PRKCB: variants seen among roughly 807,000 people sequenced by gnomAD.
PRKCB encodes the protein protein kinase C beta type.
In PRKCB, 13 loss-of-function variants were observed where a neutral mutation model predicts 81.5. The observed-to-expected ratio is 0.16, with a 90% CI of 0.10 to 0.25. The LOEUF (loss-of-function observed/expected upper bound fraction) is 0.25, where lower values mean the gene tolerates loss of function less well. PRKCB is among the 10% of genes least tolerant of loss of function. PRKCB has a pLI of 1.00. For synonymous variants in PRKCB, 335 were observed against 321.4 expected (o/e 1.04, Z -0.45); for missense variants, 509 against 875.7 (o/e 0.58, Z 5.29).
chr16:23,892,757 C>T (rs1963314984), intron 2 of PRKCB, among the ~76,000 whole-genome samples: 2 of 152,040 alleles, frequency 1.3e-5, no homozygotes, highest in African/African-American at 4.8e-5. Flanking sequence ...ATATATTGGA[C>T]CCATTTTGCA....
chr16:23,922,000 A>C (rs534032228), intron 2 of PRKCB, among the ~76,000 whole-genome samples: 1 of 152,168 alleles, frequency 6.6e-6, no homozygotes, highest in Admixed American at 6.5e-5. Context: ...CAGTAAGAGC[A>C]AAGGCTTGAA....
In PRKCB at chr16:24,180,935, G is replaced by T; in HGVS notation, c.1533+7G>T. The T allele has an allele frequency of 6.2e-7, 1 of 1,613,684 alleles. No individual in the cohort carries two copies. Among genetic ancestry groups the T allele is most frequent in the Non-Finnish European group, 8.5e-7 (1 of 1,179,732 alleles). On this transcript the variant is annotated splice_region_variant and intron_variant, in intron 13 of 16. Transcript: ENST00000643927. ...AGACTACATCGCCCCCGAGGTGAGA[G>T]CTGCTGGGCACACGTTCACATTGCG...
chr16:24,123,749 C>A, intron 8 of PRKCB, 86 bp from the exon 9 acceptor site: 3 of 1,443,248 alleles, frequency 2.1e-6, no homozygotes, highest in Non-Finnish European at 1.9e-6. Flanking sequence ...GCTGCAGGAA[C>A]TACAGCTTCC....
intron 2 of PRKCB, among the ~76,000 whole-genome samples, chr16:23,890,277 C>T (rs993847042): frequency 5.9e-5 from 9 of 152,184 alleles, no homozygotes. Context: ...CTCTGCAAAC[C>T]TCTTAATACC....
At chr16:23,870,655 A>G (rs8046693) in intron 2 of PRKCB, among the ~76,000 whole-genome samples, 82,983 of 152,144 alleles carry the variant, frequency 0.55, 22,935 homozygotes, top group East Asian at 0.62. Context: ...CTGGGGCCAC[A>G]TCAGGACCTA....
intron 9 of PRKCB, among the ~76,000 whole-genome samples, chr16:24,131,075 T>C (rs560241711): frequency 6.6e-6 from 1 of 152,344 alleles, no homozygotes; most frequent in Admixed American, 6.5e-5. Context: ...CGCCAGGTGT[T>C]AGTGGTGACT....
chr16:23,852,961 C>T (rs923539933), intron 2 of PRKCB, among the ~76,000 whole-genome samples: 29 of 152,114 alleles, frequency 1.9e-4, no homozygotes, highest in African/African-American at 6.5e-4. Context: ...AAGTGAAATC[C>T]GTATGGGAGA....
At chr16:23,993,617 T>C (rs868629679) in intron 3 of PRKCB, among the ~76,000 whole-genome samples, 8 of 152,212 alleles carry the variant, frequency 5.3e-5, no homozygotes, top group African/African-American at 1.7e-4. Context: ...CTGTGATCCC[T>C]CTTCTCTATA....
intron 2 of PRKCB, among the ~76,000 whole-genome samples, chr16:23,896,324 GAATT>G (rs1963379125): frequency 6.6e-6 from 1 of 151,616 alleles, no homozygotes; most frequent in African/African-American, 2.4e-5. Flanking sequence ...CCCTCTTATT[GAATT>G]AATTGATTGA....
intron 16 of PRKCB, among the ~76,000 whole-genome samples, chr16:24,211,053 G>A (rs1437139768): frequency 8.4e-5 from 10 of 119,596 alleles, no homozygotes; most frequent in South Asian, 2.4e-4. Flanking sequence ...TGAGTTTACC[G>A]AGGGGTCATC....
chr16:24,104,677 A>G (rs534938521), intron 7 of PRKCB, among the ~76,000 whole-genome samples: 1 of 152,290 alleles, frequency 6.6e-6, no homozygotes, highest in Admixed American at 6.5e-5. Context: ...AGCTGTGTGG[A>G]TATCTAGGGA....
intron 3 of PRKCB, among the ~76,000 whole-genome samples, chr16:24,012,202 G>T (rs117846181): frequency 0.014 from 2,085 of 152,260 alleles, 92 homozygotes; most frequent in Admixed American, 0.087. Flanking sequence ...AATTATAGCT[G>T]ACATGTATGT....
At chr16:23,871,451 C>G (rs1225814319) in intron 2 of PRKCB, among the ~76,000 whole-genome samples, 2 of 152,132 alleles carry the variant, frequency 1.3e-5, no homozygotes, top group Non-Finnish European at 2.9e-5. Flanking sequence ...CCCTCTGTCT[C>G]TCTTCCCCAG....
chr16:24,184,984 C>G, intron 13 of PRKCB, 127 bp from the exon 14 acceptor site: 1 of 801,352 alleles, frequency 1.2e-6, no homozygotes, highest in Non-Finnish European at 2.1e-6. Flanking sequence ...TCTGTCATTC[C>G]CTGAATAGCT....
At position 24,124,923 on chromosome 16, in the gene PRKCB, T is replaced by G. The variant is rs143114457; in HGVS notation, c.1065+942T>G. ...GACAGTTCCTTCAAAGTATATCATG[T>G]ATTCACTAACTTCTCTTCATCTCTC... On this transcript the variant is annotated intron_variant, in intron 9 of 16. Transcript: ENST00000643927. Among the ~76,000 whole-genome samples, 1,115 of 152,264 alleles carry G rather than the reference T, an allele frequency of 7.3e-3. 14 individuals are homozygous for G. The highest frequency in any genetic ancestry group is 0.017 in the Middle Eastern group (5 of 294).
rs370404622 is a variant in PRKCB, at chr16:23,951,088, A to G, written c.206-37420A>G. On this transcript the variant is annotated intron_variant, in intron 2 of 16. Transcript: ENST00000643927. Reference sequence around the variant, plus strand: ...ACACTCTGCAGCTCAGATATGCGGCATTACTTTTCCTGTTTGACTCAGTTC... The same window carrying G: ...ACACTCTGCAGCTCAGATATGCGGCGTTACTTTTCCTGTTTGACTCAGTTC... Among the ~76,000 whole-genome samples the G allele has an allele frequency of 6.6e-5, 10 of 152,314 alleles. No homozygotes were observed. In the South Asian group the frequency reaches 2.1e-3, roughly 32 times the overall value.
At chr16:23,867,589 T>C (rs192927044) in intron 2 of PRKCB, among the ~76,000 whole-genome samples, 4 of 152,358 alleles carry the variant, frequency 2.6e-5, no homozygotes, top group Admixed American at 1.3e-4. Flanking sequence ...TGTTTGTGTT[T>C]GTGTTGTCTA....
At chr16:24,167,334 G>A (rs1342876761) in intron 10 of PRKCB, among the ~76,000 whole-genome samples, 2 of 152,000 alleles carry the variant, frequency 1.3e-5, no homozygotes, top group African/African-American at 4.8e-5. Context: ...ATTGGTCTGA[G>A]AAATAAAAAC....
At chr16:23,951,204 C>T (rs1964277575) in intron 2 of PRKCB, among the ~76,000 whole-genome samples, 1 of 152,200 alleles carries the variant, frequency 6.6e-6, no homozygotes, top group Non-Finnish European at 1.5e-5. Flanking sequence ...CCCTTGCATC[C>T]AGGGTGCTCT....
Sources: allele counts gnomAD v4.1 joint callset (sites outside exome capture counted in the v4.1 genomes callset), GRCh38; gene constraint gnomAD v4.1.1; transcripts MANE v1.5; gene names NCBI Gene and HGNC (gene_info 2026-07-23, HGNC 2026-07-21).